Variants in ATP11A observed in about 807,000 individuals in gnomAD.
ATP11A encodes phospholipid-transporting ATPase IH.
ATP11A carries 81 observed loss-of-function variants against 154.4 expected under a neutral mutation model. The observed-to-expected ratio is 0.52, with a 90% CI of 0.44 to 0.63. The LOEUF is 0.63. Ranked by LOEUF, ATP11A falls within the 30% of genes least tolerant of loss-of-function variation. The probability of loss-of-function intolerance (pLI) is 0.00; values close to 1 mark genes in which losing one functional copy is unlikely to be tolerated. For missense variants in ATP11A, 1,316 were observed against 1,474.3 expected (o/e 0.89, Z 1.76); for synonymous variants, 623 against 585.9 (o/e 1.06, Z -0.91).
chr13:112,866,583 G>C (rs1057333423), intron 25 of ATP11A, among the ~76,000 whole-genome samples: 1 of 150,938 alleles, frequency 6.6e-6, no homozygotes, highest in African/African-American at 2.4e-5. Flanking sequence ...TATTTAACTA[G>C]CCGTACAAGC....
intron 1 of ATP11A, among the ~76,000 whole-genome samples, chr13:112,711,844 T>A (rs1231647899): frequency 6.6e-6 from 1 of 152,166 alleles, no homozygotes; most frequent in Non-Finnish European, 1.5e-5. Flanking sequence ...CTCCACGCCC[T>A]CTCCCAGCCT....
intron 5 of ATP11A, among the ~76,000 whole-genome samples, chr13:112,813,782 G>A (rs1029039718): frequency 6.6e-6 from 1 of 152,038 alleles, no homozygotes; most frequent in Non-Finnish European, 1.5e-5. Context: ...ATGTCTCGGT[G>A]CAGCTTAAAT....
intron 1 of ATP11A, among the ~76,000 whole-genome samples, chr13:112,780,933 G>C (rs936117147): frequency 1.3e-5 from 2 of 152,176 alleles, no homozygotes; most frequent in African/African-American, 4.8e-5. Context: ...CGGAGAGAGA[G>C]AGGCTGGGGT....
At chr13:112,837,308 A>G (rs1159461255) in intron 16 of ATP11A, among the ~76,000 whole-genome samples, 1 of 152,204 alleles carries the variant, frequency 6.6e-6, no homozygotes. Context: ...GCTTTCCCAT[A>G]GGAAGGGCCT....
chr13:112,826,865 T>C lies in ATP11A; in HGVS notation c.1195T>C (p.Ser399Pro). 1 of 1,614,156 alleles carries C rather than the reference T, an allele frequency of 6.2e-7. No individual in the cohort carries two copies. Among genetic ancestry groups the C allele is most frequent in the Non-Finnish European group, 8.5e-7 (1 of 1,180,028 alleles). The change falls in exon 12 of 30, where the codon TCG (serine) becomes CCG (proline). Residue 399 changes from serine to proline, a missense_variant. This residue lies in a region of ATP11A where 876 missense variants were observed against 1,006.8 expected (regional missense o/e 0.87). Transcript: ENST00000375645. Reference protein sequence around the residue: ...ETGEGPLVNTSDLNEELGQVE... With the variant: ...ETGEGPLVNTPDLNEELGQVE... ...TGGCGAGGGGCCTCTGGTGAACACG[T>C]CGGACCTCAATGAAGAGCTGGGACA...
chr13:112,724,778 A>T (rs1335046745), intron 1 of ATP11A, among the ~76,000 whole-genome samples: 1 of 152,124 alleles, frequency 6.6e-6, no homozygotes, highest in Non-Finnish European at 1.5e-5. Flanking sequence ...TTGGTGAGCA[A>T]CAGAAACACT....
rs907429111 is a variant in ATP11A, at chr13:112,697,101, A to T, written c.39+6646A>T. On this transcript the variant is annotated intron_variant, in intron 1 of 29. Coordinates refer to ENST00000375645, the MANE Select transcript of ATP11A (RefSeq NM_015205.3). The surrounding 1 kb of genome is among the most constrained non-coding windows in gnomAD (Gnocchi z 4.0). ...GGTGGGTGCCTGCGTGTCCAGCCTG[A>T]GGGGCGGCCCACGCAGCAGCCTCTG... Among the ~76,000 whole-genome samples, 1 of 151,990 alleles carries T rather than the reference A, an allele frequency of 6.6e-6. No homozygotes were observed. Among genetic ancestry groups the T allele is most frequent in the African/African-American group, 2.4e-5 (1 of 41,394 alleles).
At chr13:112,693,921 C>T (rs535185871) in intron 1 of ATP11A, among the ~76,000 whole-genome samples, 27 of 152,318 alleles carry the variant, frequency 1.8e-4, no homozygotes, top group African/African-American at 6.5e-4. Context: ...CATTGCACTC[C>T]AGCCTGGGCA....
At chr13:112,832,405 G>T (rs114447681) in intron 13 of ATP11A, among the ~76,000 whole-genome samples, 1 of 152,200 alleles carries the variant, frequency 6.6e-6, no homozygotes, top group African/African-American at 2.4e-5. Context: ...TCAACAGCAG[G>T]AGCGCCACAG....
chr13:112,762,489 G>A (rs2076985456), intron 1 of ATP11A, among the ~76,000 whole-genome samples: 1 of 152,026 alleles, frequency 6.6e-6, no homozygotes, highest in African/African-American at 2.4e-5. Flanking sequence ...GACAGGAGGT[G>A]TCTTCAGTCC....
intron 1 of ATP11A, among the ~76,000 whole-genome samples, chr13:112,784,788 G>A (rs2077582003): frequency 6.6e-6 from 1 of 152,196 alleles, no homozygotes; most frequent in South Asian, 2.1e-4. Context: ...CTCCCAAAGT[G>A]CTGGGATTAC....
In ATP11A at chr13:112,886,062, C is replaced by A. The variant is rs954333285; in HGVS notation, c.*4196C>A. ...CGCCGCACCTCATCCGTGCACGCGT[C>A]GGAGCACGGCCAGCCTTCCGCCACG... On this transcript the variant is annotated 3_prime_UTR_variant, in exon 30 of 30. Coordinates refer to ENST00000375645, the MANE Select transcript of ATP11A (RefSeq NM_015205.3). The A allele has an allele frequency of 5.6e-4, 86 of 152,480 alleles. No homozygotes were observed. Among genetic ancestry groups the A allele is most frequent in the African/African-American group, 1.9e-3 (79 of 41,594 alleles). The allele number at this position is 152,480 out of a possible 1,614,324, so 9.4% of individuals were successfully genotyped here.
rs906691662 is a variant in ATP11A, at chr13:112,875,997, G to A, written c.3327+56G>A. On this transcript the variant is annotated intron_variant, in intron 28 of 29. Transcript: ENST00000375645. This position sits in a 1 kb window ranked among gnomAD's most constrained non-coding sequence, Gnocchi z 4.1. ...GCCTCAGGGCCCTGGCCTTAGGATT[G>A]GGAGATGACCGTTTTGAAAGACAGT... The A allele has an allele frequency of 5.1e-6, 8 of 1,561,254 alleles. No individual in the cohort carries two copies. The highest frequency in any genetic ancestry group is 6.9e-6 in the Non-Finnish European group (8 of 1,153,492).
rs202103024 is a variant in ATP11A, at chr13:112,833,072, C to T, written c.1559+49C>T. ...CCTGGGTTTCCTGATGTGACTCAGC[C>T]CCTCCCCAGCCCCAGTCAGGGATTT... On this transcript the variant is annotated intron_variant, in intron 14 of 29. Transcript: ENST00000375645. 433 of 1,573,346 alleles carry T rather than the reference C, an allele frequency of 2.8e-4. 3 individuals carry two copies. The East Asian group carries it at 8.0e-3, about 29-fold the overall frequency.
chr13:112,851,085 G>C lies in ATP11A; in HGVS notation c.1858G>C (p.Glu620Gln). The C allele has an allele frequency of 6.2e-7, 1 of 1,614,212 alleles. No individual in the cohort carries two copies. Among genetic ancestry groups the C allele is most frequent in the Non-Finnish European group, 8.5e-7 (1 of 1,180,038 alleles). ...CVAYKRLIQEEYEGICKLLQA... is the reference protein window; with the variant it reads ...CVAYKRLIQEQYEGICKLLQA... ...TGCTTATAAAAGGCTGATCCAAGAA[G>C]AATATGAAGGCATTTGTAAGCTGCT... is the stretch of plus-strand genomic sequence containing the variant. The change falls in exon 18 of 30, where the codon GAA (glutamate) becomes CAA (glutamine). Residue 620 changes from glutamate to glutamine, a missense_variant. By Grantham distance (29) the Glu-to-Gln change is conservative. Transcript: ENST00000375645.
chr13:112,848,514 G>C (rs889599589), intron 17 of ATP11A, among the ~76,000 whole-genome samples: 3 of 152,086 alleles, frequency 2.0e-5, no homozygotes, highest in African/African-American at 7.2e-5. Flanking sequence ...CCTTAGAAAG[G>C]CATCCTTTCT....
chr13:112,726,638 G>A (rs1479789834), intron 1 of ATP11A, among the ~76,000 whole-genome samples: 1 of 152,188 alleles, frequency 6.6e-6, no homozygotes, highest in Non-Finnish European at 1.5e-5. Flanking sequence ...CAGATGCTGG[G>A]GGACAGAAAA....
intron 18 of ATP11A, among the ~76,000 whole-genome samples, chr13:112,852,929 T>C (rs955348950): frequency 1.2e-4 from 18 of 152,022 alleles, no homozygotes; most frequent in Non-Finnish European, 4.4e-5. Context: ...TGGAGCACGC[T>C]TGTAAACAGG....
At chr13:112,760,295 C>A (rs1031434936) in intron 1 of ATP11A, among the ~76,000 whole-genome samples, 1 of 152,144 alleles carries the variant, frequency 6.6e-6, no homozygotes, top group Non-Finnish European at 1.5e-5. Context: ...TTCGTCCAGG[C>A]GCTGCTGTGT....
Sources: allele counts gnomAD v4.1 joint callset (sites outside exome capture counted in the v4.1 genomes callset), GRCh38; gene constraint gnomAD v4.1.1; regional missense constraint gnomAD v4.1.1; non-coding constraint Gnocchi (gnomAD v3.1); transcripts MANE v1.5; gene names NCBI Gene and HGNC (gene_info 2026-07-23, HGNC 2026-07-21).